The following RAD54B variants were observed in gnomAD, a reference collection of about 807,000 sequenced individuals.
RAD54B encodes RAD54 homolog B, also known as DNA repair and recombination protein RAD54B.
Under a neutral mutation model 95.8 loss-of-function variants are expected in RAD54B, and 78 were observed. The ratio of observed to expected loss-of-function variants is 0.81; its 90% CI spans 0.68 to 0.98. RAD54B has a LOEUF of 0.98. Among genes scored for constraint, RAD54B ranks in the 50% least tolerant of loss-of-function variants. The pLI is 0.00. For synonymous variants in RAD54B, 328 were observed against 354.9 expected, an observed-to-expected ratio of 0.92 and a Z score of 0.85; for missense variants, 957 against 1,056.6, an observed-to-expected ratio of 0.91 and a Z score of 1.31.
At chr8:94,473,251 C>T (rs533734150) in intron 1 of RAD54B, among the ~76,000 whole-genome samples, 37 of 152,290 alleles carry the variant, frequency 2.4e-4, no homozygotes, top group Admixed American at 2.0e-3. Flanking sequence ...TTCTATAACA[C>T]CTATTAGTTT....
chr8:94,400,186 G>T, intron 7 of RAD54B, 52 bp downstream of exon 7: 1 of 1,499,838 alleles, frequency 6.7e-7, no homozygotes. Flanking sequence ...TTACTGATTT[G>T]AAAAACTAGA....
At chr8:94,422,338 G>A (rs1811823917) in intron 3 of RAD54B, among the ~76,000 whole-genome samples, 1 of 151,684 alleles carries the variant, frequency 6.6e-6, no homozygotes, top group South Asian at 2.1e-4. Context: ...TGTAATCCCA[G>A]CACTTTGGGA....
chr8:94,416,863 C>T (rs1195961247), intron 3 of RAD54B, among the ~76,000 whole-genome samples: 3 of 152,128 alleles, frequency 2.0e-5, no homozygotes, highest in Non-Finnish European at 4.4e-5. Flanking sequence ...CCAAATGACA[C>T]AGCAATTACA....
intron 3 of RAD54B, among the ~76,000 whole-genome samples, chr8:94,413,999 C>G (rs1382970423): frequency 6.6e-6 from 1 of 151,866 alleles, no homozygotes; most frequent in African/African-American, 2.4e-5. Context: ...CCATGCTCAG[C>G]TGATTTTTGT....
intron 3 of RAD54B, among the ~76,000 whole-genome samples, chr8:94,437,441 T>C (rs1812295508): frequency 6.6e-6 from 1 of 152,202 alleles, no homozygotes; most frequent in South Asian, 2.1e-4. Context: ...CTGGATCTGC[T>C]GTCAATCAGG....
chr8:94,417,222 T>G (rs1811694709), intron 3 of RAD54B, among the ~76,000 whole-genome samples: 4 of 152,092 alleles, frequency 2.6e-5, no homozygotes. Context: ...AATGGTTGCT[T>G]AGGCTGGAGG....
intron 3 of RAD54B, among the ~76,000 whole-genome samples, chr8:94,452,114 G>A (rs983629074): frequency 6.6e-6 from 1 of 152,176 alleles, no homozygotes. Flanking sequence ...AAGAGAAATG[G>A]CAACTCTCTG....
chr8:94,407,442 G>C lies in RAD54B; in HGVS notation c.778C>G (p.Pro260Ala), dbSNP rs531560568. The C allele has an allele frequency of 1.9e-6, 3 of 1,598,486 alleles. No homozygotes were observed. The highest frequency in any genetic ancestry group is 4.5e-5 in the East Asian group (2 of 44,464). The change falls in exon 5 of 15, where the codon CCA becomes GCA. Residue 260 changes from proline to alanine, a missense_variant. Transcript: ENST00000336148. ...CAAATTATTTTTAAAATCTTACTTG[G>C]CGTATATGGGTCATGGCGTGGTTTG... ...NCKPRHDPYT[P>A]NSLVMPRPDK...
At chr8:94,375,663 A>T (rs1810550182) in intron 14 of RAD54B, among the ~76,000 whole-genome samples, 1 of 152,170 alleles carries the variant, frequency 6.6e-6, no homozygotes, top group African/African-American at 2.4e-5. Context: ...ATACACTGGA[A>T]GATTATACAG....
At chr8:94,452,547 G>A (rs1812685199) in intron 3 of RAD54B, among the ~76,000 whole-genome samples, 1 of 151,998 alleles carries the variant, frequency 6.6e-6, no homozygotes, top group South Asian at 2.1e-4. Flanking sequence ...CACCCAGGCT[G>A]GAGTGCAATG....
At chr8:94,449,048 G>GCATGCACA (rs1554609416) in intron 3 of RAD54B, among the ~76,000 whole-genome samples, 7 of 150,072 alleles carry the variant, frequency 4.7e-5, no homozygotes, top group African/African-American at 9.8e-5. Flanking sequence ...ACACATGCAT[G>GCATGCACA]CACACACACA....
At chr8:94,428,188 T>G (rs961067005) in intron 3 of RAD54B, 10 of 841,552 alleles carry the variant, frequency 1.2e-5, no homozygotes, top group Non-Finnish European at 1.1e-5. Flanking sequence ...ATAATCTATA[T>G]ACTTAGTATA....
chr8:94,444,715 A>C (rs1812480355), intron 3 of RAD54B, among the ~76,000 whole-genome samples: 2 of 152,150 alleles, frequency 1.3e-5, no homozygotes, highest in South Asian at 4.1e-4. Flanking sequence ...CTATCAAAAG[A>C]AGCTTACTGT....
At chr8:94,460,929 ATG>A (rs1812885620) in intron 2 of RAD54B, among the ~76,000 whole-genome samples, 1 of 152,098 alleles carries the variant, frequency 6.6e-6, no homozygotes, top group East Asian at 1.9e-4. Context: ...TATAATTATA[ATG>A]GGCCCACTCA....
chr8:94,439,357 G>A (rs962847098), intron 3 of RAD54B, among the ~76,000 whole-genome samples: 1 of 152,156 alleles, frequency 6.6e-6, no homozygotes, highest in African/African-American at 2.4e-5. Flanking sequence ...CACATCAGTT[G>A]GAGTTAAAAG....
chr8:94,428,087 G>A (rs1236176930), intron 3 of RAD54B: 7 of 950,084 alleles, frequency 7.4e-6, no homozygotes, highest in Non-Finnish European at 8.8e-6. Flanking sequence ...AAAATCATAA[G>A]TTGTAACAAC....
chr8:94,425,544 T>C (rs1004608194), intron 3 of RAD54B, among the ~76,000 whole-genome samples: 1 of 152,092 alleles, frequency 6.6e-6, no homozygotes, highest in Non-Finnish European at 1.5e-5. Context: ...CAATATAAAT[T>C]TAAGATTGAA....
In RAD54B at chr8:94,378,241, A is replaced by C; in HGVS notation, c.2454T>G (p.Ser818Arg). 1 of 1,613,394 alleles carries C rather than the reference A, an allele frequency of 6.2e-7. No individual in the cohort carries two copies. The highest frequency in any genetic ancestry group is 8.5e-7 in the Non-Finnish European group (1 of 1,179,686). Residue 818 changes from serine (S) to arginine (R), a missense_variant, in exon 14 of 15, where the codon AGT becomes AGG. Coordinates refer to ENST00000336148, the MANE Select transcript of RAD54B (RefSeq NM_012415.3). Reference protein sequence around the residue: ...ELKNLFTLHESSDCVTHDLLD... With the variant: ...ELKNLFTLHERSDCVTHDLLD... ...GCAGATCATGAGTAACACAATCTGA[A>C]CTTTCATGTAATGTGAACAAATTTT...
At chr8:94,423,319 T>C (rs1401901672) in intron 3 of RAD54B, among the ~76,000 whole-genome samples, 1 of 151,894 alleles carries the variant, frequency 6.6e-6, no homozygotes, top group African/African-American at 2.4e-5. Flanking sequence ...GAAGGCGGAG[T>C]TGCAGTGAGC....
Sources: gnomAD v4.1 joint callset for allele counts (sites outside exome capture counted in the v4.1 genomes callset) on GRCh38, gnomAD v4.1.1 for gene constraint, MANE v1.5 for transcripts, NCBI Gene and HGNC (gene_info 2026-07-23, HGNC 2026-07-21) for gene names.